The following MORC1 variants were observed in gnomAD, a reference collection of about 807,000 sequenced individuals.
MORC1 encodes MORC family CW-type zinc finger protein 1.
In MORC1, 59 loss-of-function variants were observed where a neutral mutation model predicts 134.9. That is an observed-to-expected ratio of 0.44 (90% CI 0.35 to 0.54). The LOEUF (loss-of-function observed/expected upper bound fraction) is 0.54. Ranked by LOEUF, MORC1 falls within the 20% of genes least tolerant of loss-of-function variation. The probability of loss-of-function intolerance (pLI) is 0.00; values close to 1 mark genes in which losing one functional copy is unlikely to be tolerated. For missense variants in MORC1, 947 were observed against 1,134.5 expected, an observed-to-expected ratio of 0.83 and a Z score of 2.37; for synonymous variants, 395 against 391.7, an observed-to-expected ratio of 1.01 and a Z score of -0.10.
chr3:109,095,059 G>T lies in MORC1; in HGVS notation c.433C>A (p.Pro145Thr). 1 of 1,572,662 alleles carries T rather than the reference G, an allele frequency of 6.4e-7. No individual in the cohort carries two copies. The highest frequency in any genetic ancestry group is 1.2e-5 in the South Asian group (1 of 80,662). ...GTTCTTATTAACCATGAGGGCATTG[G>T]AACTACAACCTATTTAAAAAAAAAC... ...EEESLSEVVV[P>T]MPSWLIRTRE... The change falls in exon 7 of 28, where the codon CCA (proline) becomes ACA (threonine). Residue 145 changes from proline to threonine, a missense_variant. Around this residue, in one of 3 missense-constraint regions of MORC1, gnomAD observed 214 missense variants for 281.3 expected, o/e 0.76. Transcript: ENST00000232603.
intron 20 of MORC1, among the ~76,000 whole-genome samples, chr3:109,004,123 C>A (rs1948480332): frequency 6.6e-6 from 1 of 152,028 alleles, no homozygotes; most frequent in African/African-American, 2.4e-5. Context: ...AAAGACCATG[C>A]ATAAAATATC....
intron 9 of MORC1, among the ~76,000 whole-genome samples, chr3:109,067,767 T>C (rs1041045323): frequency 2.0e-5 from 3 of 152,208 alleles, no homozygotes; most frequent in Non-Finnish European, 4.4e-5. Context: ...CAAAAGATGA[T>C]GGGCAGTATA....
At chr3:109,005,898 C>T (rs913191485) in intron 18 of MORC1, among the ~76,000 whole-genome samples, 8 of 152,128 alleles carry the variant, frequency 5.3e-5, no homozygotes, top group African/African-American at 1.4e-4. Context: ...TAACCCTCTC[C>T]GCAACAGTGC....
chr3:109,047,154 G>A (rs532508932), intron 14 of MORC1, among the ~76,000 whole-genome samples: 2 of 152,154 alleles, frequency 1.3e-5, no homozygotes, highest in Admixed American at 6.6e-5. Flanking sequence ...CCCATATACA[G>A]TACAACTGTA....
intron 17 of MORC1, among the ~76,000 whole-genome samples, chr3:109,015,209 C>T (rs1011621447): frequency 2.6e-5 from 4 of 152,016 alleles, no homozygotes; most frequent in Admixed American, 6.6e-5. Flanking sequence ...TAAGGTAGTA[C>T]AGAAGCAAGA....
At chr3:109,023,453 A>G (rs893555879) in intron 17 of MORC1, among the ~76,000 whole-genome samples, 22 of 152,344 alleles carry the variant, frequency 1.4e-4, no homozygotes, top group African/African-American at 5.3e-4. Flanking sequence ...ATGCAAATAC[A>G]CTACTCATTA....
At chr3:109,030,156 T>G (rs959984221) in intron 16 of MORC1, among the ~76,000 whole-genome samples, 6 of 152,200 alleles carry the variant, frequency 3.9e-5, no homozygotes, top group African/African-American at 1.4e-4. Context: ...TCTGTAAATA[T>G]AGACAATGAC....
intron 24 of MORC1, among the ~76,000 whole-genome samples, chr3:108,972,894 A>C (rs1947433155): frequency 6.6e-6 from 1 of 152,206 alleles, no homozygotes. Flanking sequence ...TAGACAAATA[A>C]ATATTAGATG....
At chr3:109,095,851 G>T (rs1369053515) in intron 6 of MORC1, among the ~76,000 whole-genome samples, 6 of 152,006 alleles carry the variant, frequency 3.9e-5, no homozygotes, top group African/African-American at 1.4e-4. Flanking sequence ...AAAAAGCTCA[G>T]TTAGATCACA....
chr3:109,100,828 A>G (rs904461645), intron 4 of MORC1, among the ~76,000 whole-genome samples: 1 of 152,234 alleles, frequency 6.6e-6, no homozygotes, highest in Non-Finnish European at 1.5e-5. Context: ...ACAACAAAGT[A>G]TAACAACTAT....
At chr3:109,032,939 G>T in intron 15 of MORC1, 114 bp from the exon 16 acceptor site, 1 of 735,860 alleles carries the variant, frequency 1.4e-6, no homozygotes, top group Non-Finnish European at 2.4e-6. Flanking sequence ...AAAGACAACT[G>T]AATCCTTCAT....
At chr3:109,012,966 C>G (rs1378603999) in intron 17 of MORC1, among the ~76,000 whole-genome samples, 5 of 152,224 alleles carry the variant, frequency 3.3e-5, no homozygotes, top group Non-Finnish European at 7.4e-5. Context: ...AGTGAAACTC[C>G]CTTGCCTCAT....
At chr3:109,056,020 A>G (rs890347415) in intron 13 of MORC1, among the ~76,000 whole-genome samples, 1 of 152,146 alleles carries the variant, frequency 6.6e-6, no homozygotes, top group African/African-American at 2.4e-5. Context: ...CAGAAGATTC[A>G]AGGCCAAGGA....
intron 8 of MORC1, among the ~76,000 whole-genome samples, chr3:109,084,211 C>A (rs546270648): frequency 2.0e-5 from 3 of 152,150 alleles, no homozygotes; most frequent in Non-Finnish European, 2.9e-5. Context: ...AGAAAGAAGT[C>A]AAATTAGCCT....
intron 14 of MORC1, among the ~76,000 whole-genome samples, chr3:109,037,763 G>T (rs1949412044): frequency 6.6e-6 from 1 of 152,038 alleles, no homozygotes; most frequent in Non-Finnish European, 1.5e-5. Flanking sequence ...CCCTGCAAAG[G>T]ATATGAACTC....
chr3:109,050,605 A>AC (rs955067085), intron 14 of MORC1, among the ~76,000 whole-genome samples: 60 of 152,298 alleles, frequency 3.9e-4, no homozygotes, highest in African/African-American at 1.4e-3. Flanking sequence ...AGACCATAGC[A>AC]CCACCCTAGA....
chr3:109,065,546 T>C (rs1291610257), intron 9 of MORC1, among the ~76,000 whole-genome samples: 2 of 152,176 alleles, frequency 1.3e-5, no homozygotes, highest in African/African-American at 4.8e-5. Context: ...GCAAAAGTGA[T>C]GGTCTGTCAC....
At chr3:109,060,497 A>C (rs7627562) in intron 11 of MORC1, among the ~76,000 whole-genome samples, 9,465 of 151,688 alleles carry the variant, frequency 0.062, 636 homozygotes, top group African/African-American at 0.17. Flanking sequence ...TGTTGTTCTC[A>C]GGCATAAGAA....
chr3:108,971,374 G>A lies in MORC1; in HGVS notation c.2506C>T (p.His836Tyr), dbSNP rs2593943. 649,037 of 1,610,074 alleles carry A rather than the reference G, an allele frequency of 0.4. 135,640 individuals are homozygous for A. The highest frequency in any genetic ancestry group is 0.55 in the Middle Eastern group (3,339 of 6,044). Residue 836 changes from histidine (H) to tyrosine (Y), a missense_variant, in exon 25 of 28, where the codon CAT becomes TAT. Physicochemically the swap from His to Tyr is moderately conservative, Grantham distance 83. Coordinates refer to ENST00000232603, the MANE Select transcript of MORC1 (RefSeq NM_014429.4). ...TCTTCCAATTCTGATGGTAGCTGAT[G>A]CTCAGGAAAAAAATACAGAAGAATC... is the stretch of plus-strand genomic sequence containing the variant. ...REILLYFFPE[H>Y]QLPSELEEPA...
Sources: gnomAD v4.1 joint callset for allele counts (sites outside exome capture counted in the v4.1 genomes callset) on GRCh38, gnomAD v4.1.1 for gene constraint, gnomAD v4.1.1 regional missense constraint, MANE v1.5 for transcripts, NCBI Gene and HGNC (gene_info 2026-07-23, HGNC 2026-07-21) for gene names.